SLC9B1: variants seen among roughly 807,000 people sequenced by gnomAD.
SLC9B1 encodes sodium/hydrogen exchanger 9B1.
SLC9B1 carries 32 observed loss-of-function variants against 51.7 expected under a neutral mutation model. The observed-to-expected ratio is 0.62, with a 90% CI of 0.47 to 0.83. SLC9B1 has a LOEUF of 0.83. Among genes scored for constraint, SLC9B1 ranks in the 40% least tolerant of loss-of-function variants. SLC9B1 has a pLI of 0.00. For missense variants in SLC9B1, 406 were observed against 613.2 expected (o/e 0.66, Z 3.57); for synonymous variants, 145 against 212.7 (o/e 0.68, Z 2.77).
At chr4:102,909,464 G>T (rs979397127) in intron 9 of SLC9B1, among the ~76,000 whole-genome samples, 3 of 68,708 alleles carry the variant, frequency 4.4e-5, no homozygotes, top group African/African-American at 1.5e-4. Context: ...TTTGCTGGGT[G>T]TGGTGGTGTG....
In SLC9B1 at chr4:102,906,544, T is replaced by A; in HGVS notation, c.1187A>T (p.Asn396Ile). 18 of 1,522,492 alleles carry A rather than the reference T, an allele frequency of 1.2e-5. No homozygotes were observed. Among genetic ancestry groups the A allele is most frequent in the Non-Finnish European group, 1.6e-5 (18 of 1,121,734 alleles). 94.3% of individuals were successfully genotyped at this position (1,522,492 alleles called of 1,614,324 possible). A position where few individuals can be genotyped will look rare whatever the true frequency, so the allele number is the denominator to read the frequency against. ...AEVSVSSLES[N>I]IVGISVATLS... Reference sequence around the variant, plus strand: ...GCTCTAATTATTCTTACCAACAATATTTGATTCAAGCGATGAAACAGATAC... The same window carrying A: ...GCTCTAATTATTCTTACCAACAATAATTGATTCAAGCGATGAAACAGATAC... Residue 396 changes from asparagine (N) to isoleucine (I), a missense_variant, in exon 10 of 12, where the codon AAT (asparagine) becomes ATT (isoleucine). Physicochemically the swap from Asn to Ile is moderately radical, Grantham distance 149. Coordinates refer to ENST00000296422, the MANE Select transcript of SLC9B1 (RefSeq NM_139173.4).
chr4:102,983,522 C>T (rs1019181474), intron 3 of SLC9B1, among the ~76,000 whole-genome samples: 4 of 152,236 alleles, frequency 2.6e-5, no homozygotes, highest in African/African-American at 4.8e-5. Flanking sequence ...GGGCCCAGTA[C>T]ATTCTGTTTT....
At chr4:102,949,156 C>G in intron 4 of SLC9B1, 101 bp downstream of exon 4, 8 of 1,003,856 alleles carry the variant, frequency 8.0e-6, no homozygotes, top group Non-Finnish European at 8.7e-6. Context: ...ATAAAACATA[C>G]TACATTGAAA....
At chr4:102,927,416 A>T (rs1246647412) in intron 7 of SLC9B1, among the ~76,000 whole-genome samples, 2 of 152,238 alleles carry the variant, frequency 1.3e-5, no homozygotes, top group Non-Finnish European at 2.9e-5. Flanking sequence ...GTGGGCAAAG[A>T]TATGAATAGA....
chr4:102,915,082 G>A (rs1203183634), intron 7 of SLC9B1, among the ~76,000 whole-genome samples: 2 of 144,202 alleles, frequency 1.4e-5, no homozygotes, highest in African/African-American at 5.3e-5. Flanking sequence ...AGAATGGGAT[G>A]ATATATTAAA....
chr4:103,001,580 C>T (rs1740526234), intron 1 of SLC9B1, among the ~76,000 whole-genome samples: 1 of 152,204 alleles, frequency 6.6e-6, no homozygotes, highest in Admixed American at 6.5e-5. Flanking sequence ...TTCCAATAAG[C>T]TCCCATCTCC....
chr4:102,959,554 G>C (rs2866416), intron 3 of SLC9B1, among the ~76,000 whole-genome samples: 52,528 of 152,000 alleles, frequency 0.35, 9,038 homozygotes, highest in Middle Eastern at 0.41. Flanking sequence ...TATGTGAAAA[G>C]AACACTTTAT....
intron 3 of SLC9B1, among the ~76,000 whole-genome samples, chr4:102,961,049 A>T (rs4698867): frequency 6.6e-6 from 1 of 151,908 alleles, no homozygotes; most frequent in East Asian, 1.9e-4. Context: ...TACTTTCTAA[A>T]AATTATATCA....
chr4:102,957,540 C>G (rs1737870221), intron 3 of SLC9B1, among the ~76,000 whole-genome samples: 1 of 152,076 alleles, frequency 6.6e-6, no homozygotes, highest in Admixed American at 6.5e-5. Context: ...GGAAAAATAA[C>G]TGTCAATTAA....
chr4:102,966,047 A>G (rs1352697264), intron 3 of SLC9B1, among the ~76,000 whole-genome samples: 3 of 152,252 alleles, frequency 2.0e-5, no homozygotes, highest in Non-Finnish European at 4.4e-5. Flanking sequence ...TTTGTTGGGC[A>G]TAGCCACATG....
At chr4:102,982,249 TTTGA>T (rs1207551504) in intron 3 of SLC9B1, among the ~76,000 whole-genome samples, 2 of 152,116 alleles carry the variant, frequency 1.3e-5, no homozygotes, top group Non-Finnish European at 2.9e-5. Context: ...CTCTATTCTG[TTTGA>T]TTGATCTCTT....
intron 7 of SLC9B1, among the ~76,000 whole-genome samples, chr4:102,913,796 TA>T (rs61244946): frequency 0.46 from 32,684 of 71,468 alleles, 6,031 homozygotes; most frequent in African/African-American, 0.59. Flanking sequence ...AGATAGAAAC[TA>T]AAAAAAAAAA....
At chr4:102,911,390 T>C (rs756480032) in intron 8 of SLC9B1, 41 bp downstream of exon 8, 1 of 1,385,542 alleles carries the variant, frequency 7.2e-7, no homozygotes, top group South Asian at 1.2e-5. Context: ...TTGAAAAAAA[T>C]GTCTAATACT....
intron 1 of SLC9B1, among the ~76,000 whole-genome samples, chr4:102,995,451 T>C (rs1046809433): frequency 6.6e-6 from 1 of 152,112 alleles, no homozygotes; most frequent in Admixed American, 6.5e-5. Flanking sequence ...ATCAAGCGAC[T>C]AGGCAGCATA....
chr4:102,959,812 C>T (rs1738003794), intron 3 of SLC9B1, among the ~76,000 whole-genome samples: 1 of 152,100 alleles, frequency 6.6e-6, no homozygotes, highest in South Asian at 2.1e-4. Flanking sequence ...CAATTTGACA[C>T]TGTATTTTAT....
chr4:102,905,233 A>T (rs550516981), intron 11 of SLC9B1, among the ~76,000 whole-genome samples: 9 of 149,466 alleles, frequency 6.0e-5, no homozygotes, highest in Admixed American at 2.7e-4. Flanking sequence ...TTATTTATTT[A>T]TTTTTTTGAG....
chr4:102,937,682 C>A (rs1172985506), intron 6 of SLC9B1, among the ~76,000 whole-genome samples: 1 of 132,502 alleles, frequency 7.5e-6, no homozygotes, highest in African/African-American at 3.0e-5. Flanking sequence ...TGAGATAGCA[C>A]CACTGCACTC....
chr4:102,978,952 C>T (rs1223447603), intron 3 of SLC9B1, among the ~76,000 whole-genome samples: 4 of 152,102 alleles, frequency 2.6e-5, no homozygotes, highest in African/African-American at 9.7e-5. Context: ...TCTTAATTTA[C>T]CGTACATGGT....
chr4:102,885,648 G>A (rs182606945), intron 11 of SLC9B1, among the ~76,000 whole-genome samples: 12 of 152,248 alleles, frequency 7.9e-5, no homozygotes, highest in Admixed American at 2.6e-4. Context: ...TAATGCCTTC[G>A]CAATGTTTGG....
Sources: allele counts gnomAD v4.1 joint callset (sites outside exome capture counted in the v4.1 genomes callset), GRCh38; gene constraint gnomAD v4.1.1; transcripts MANE v1.5; gene names NCBI Gene and HGNC (gene_info 2026-07-23, HGNC 2026-07-21).